The following IL10RA variants were observed in gnomAD, a reference collection of about 807,000 sequenced individuals.
The protein encoded by IL10RA is interleukin-10 receptor subunit alpha.
IL10RA carries 18 observed loss-of-function variants against 29.6 expected under a neutral mutation model. The observed-to-expected ratio is 0.61, with a 90% CI of 0.42 to 0.90. The LOEUF (loss-of-function observed/expected upper bound fraction) is 0.90, where lower values mean the gene tolerates loss of function less well. Ranked by LOEUF, IL10RA falls within the 40% of genes least tolerant of loss-of-function variation. The pLI is 0.00. For synonymous variants in IL10RA, 292 were observed against 294.1 expected (o/e 0.99, Z 0.07); for missense variants, 634 against 716.6 (o/e 0.88, Z 1.32).
intron 1 of IL10RA, chr11:117,987,040 C>A (rs147760191): frequency 5.7e-4 from 221 of 390,626 alleles, no homozygotes; most frequent in African/African-American, 4.4e-3. Flanking sequence ...CCCTGCCTCT[C>A]TCCTCCTAAC....
rs1434159127 is a variant in IL10RA, at chr11:117,999,909, G to A, written c.*268G>A. The A allele has an allele frequency of 4.6e-6, 3 of 650,714 alleles. No homozygotes were observed. The highest frequency in any genetic ancestry group is 6.1e-5 in the East Asian group (2 of 32,670). 40.3% of individuals were successfully genotyped at this position (650,714 alleles called of 1,614,324 possible). On this transcript the variant is annotated 3_prime_UTR_variant, in exon 7 of 7. Coordinates refer to ENST00000227752, the MANE Select transcript of IL10RA (RefSeq NM_001558.4). ...TGCAGACTCTGGCAGAGCTGAGAAGGGCAGGGACCTTCTCCCTCCTAGGAA... is the reference window on the plus strand; with the variant it reads ...TGCAGACTCTGGCAGAGCTGAGAAGAGCAGGGACCTTCTCCCTCCTAGGAA...
At chr11:117,994,767 C>T (rs2058045914) in intron 5 of IL10RA, among the ~76,000 whole-genome samples, 1 of 152,148 alleles carries the variant, frequency 6.6e-6, no homozygotes, top group Admixed American at 6.5e-5. Context: ...ATGTCCAGTG[C>T]CCAATGAAAC....
intron 1 of IL10RA, 152 bp from the exon 2 acceptor site, chr11:117,988,230 T>C: frequency 1.2e-6 from 1 of 858,090 alleles, no homozygotes; most frequent in Non-Finnish European, 1.9e-6. Context: ...ATCAGACACA[T>C]GTGGATTCAT....
At chr11:117,990,420 A>C (rs567510913) in intron 3 of IL10RA, among the ~76,000 whole-genome samples, 1 of 151,984 alleles carries the variant, frequency 6.6e-6, no homozygotes, top group Non-Finnish European at 1.5e-5. Context: ...ATAAAAAGAC[A>C]TTTTTGAGGA....
rs1405554105 is a variant in IL10RA, at chr11:117,986,436, G to C, written c.-32G>C. The C allele has an allele frequency of 3.2e-6, 5 of 1,546,298 alleles. No homozygotes were observed. The highest frequency in any genetic ancestry group is 4.4e-6 in the Non-Finnish European group (5 of 1,145,350). On this transcript the variant is annotated 5_prime_UTR_variant, in exon 1 of 7. Coordinates refer to ENST00000227752, the MANE Select transcript of IL10RA (RefSeq NM_001558.4). ...AGCTGGAGGCGCGCAGGCCGGCTCC[G>C]CTCCGGCCCCGGACGATGCGGCGCG...
At position 117,994,386 on chromosome 11, in the gene IL10RA, G is replaced by A. The variant is rs147521413; in HGVS notation, c.688+237G>A. Among the ~76,000 whole-genome samples the A allele has an allele frequency of 3.7e-4, 56 of 152,288 alleles. 3 individuals are homozygous for A. The East Asian group carries it at 0.011, about 29-fold the overall frequency. On this transcript the variant is annotated intron_variant, in intron 5 of 6. Transcript: ENST00000227752. ...AGCTAGGACTTGGTGGCAGAACCAG[G>A]TCTCTTGGATCTAGGGTCCTCCCAC...
intron 3 of IL10RA, among the ~76,000 whole-genome samples, chr11:117,990,691 G>A (rs909677579): frequency 2.0e-5 from 3 of 152,060 alleles, no homozygotes; most frequent in African/African-American, 2.4e-5. Flanking sequence ...TACTAAAGCT[G>A]GGACTTTGGA....
chr11:117,987,780 C>A (rs1056647356), intron 1 of IL10RA: 9 of 169,220 alleles, frequency 5.3e-5, no homozygotes, highest in Admixed American at 4.0e-4. Context: ...AGAGCCAGAG[C>A]TGATTTATTC....
At position 118,001,375 on chromosome 11, in the gene IL10RA, G is replaced by A. The variant is rs760686369; in HGVS notation, c.*1734G>A. 3.5e-5 allele frequency: 16 copies of A among 454,028 alleles called. No homozygotes were observed. Among genetic ancestry groups the A allele is most frequent in the South Asian group, 2.5e-4 (16 of 64,480 alleles). 28.1% of individuals were successfully genotyped at this position (454,028 alleles called of 1,614,324 possible). On this transcript the variant is annotated 3_prime_UTR_variant, in exon 7 of 7. Coordinates refer to ENST00000227752, the MANE Select transcript of IL10RA (RefSeq NM_001558.4). ...AATGACTGACTTGTCTAATTCGTAGGGATGTGAGGTTCTGCTGAGGAAATG... is the reference window on the plus strand; with the variant it reads ...AATGACTGACTTGTCTAATTCGTAGAGATGTGAGGTTCTGCTGAGGAAATG...
At position 118,001,305 on chromosome 11, in the gene IL10RA, A is replaced by T. The variant is rs886047713; in HGVS notation, c.*1664A>T. ...TGTTTCCAGTGGTATGACCTTGGAG[A>T]AGTCACTTATCCTCTTGGAGCCTCA... On this transcript the variant is annotated 3_prime_UTR_variant, in exon 7 of 7. Transcript: ENST00000227752. 2 of 454,012 alleles carry T rather than the reference A, an allele frequency of 4.4e-6. No homozygotes were observed. The highest frequency in any genetic ancestry group is 8.8e-6 in the Non-Finnish European group (2 of 226,816). The allele number at this position is 454,012 out of a possible 1,614,324, so 28.1% of individuals were successfully genotyped here.
At chr11:117,993,134 A>C in intron 3 of IL10RA, 107 bp from the exon 4 acceptor site, 1 of 1,013,994 alleles carries the variant, frequency 9.9e-7, no homozygotes, top group Non-Finnish European at 1.6e-6. Flanking sequence ...TTTTAGGCCT[A>C]GGTTCTAATT....
intron 3 of IL10RA, among the ~76,000 whole-genome samples, chr11:117,991,065 C>T (rs985232168): frequency 1.3e-4 from 19 of 151,874 alleles, no homozygotes; most frequent in African/African-American, 3.9e-4. Flanking sequence ...GGCGTGGTGG[C>T]GTGCACCTGT....
At position 117,995,395 on chromosome 11, in the gene IL10RA, G is replaced by A. The variant is rs183021562; in HGVS notation, c.689-194G>A. On this transcript the variant is annotated intron_variant, in intron 5 of 6. Transcript: ENST00000227752. Reference sequence around the variant, plus strand: ...GCATCTCCTGAGGGAATCCTTCAGGGCATGGTTTGGAAGGCCAGGTAGGGA... The same window carrying A: ...GCATCTCCTGAGGGAATCCTTCAGGACATGGTTTGGAAGGCCAGGTAGGGA... The A allele has an allele frequency of 4.2e-4, 278 of 663,134 alleles. 1 individual carries two copies. Among genetic ancestry groups the A allele is most frequent in the Non-Finnish European group, 3.3e-5 (12 of 368,930 alleles). The allele number at this position is 663,134 out of a possible 1,614,324, so 41.1% of individuals were successfully genotyped here.
chr11:117,989,761 G>A lies in IL10RA; in HGVS notation c.367+141G>A. 3 of 828,070 alleles carry A rather than the reference G, an allele frequency of 3.6e-6. No individual in the cohort carries two copies. The highest frequency in any genetic ancestry group is 1.4e-5 in the South Asian group (1 of 69,370). 51.3% of individuals were successfully genotyped at this position (828,070 alleles called of 1,614,324 possible). A position where few individuals can be genotyped will look rare whatever the true frequency, so the allele number is the denominator to read the frequency against. ...CCGGAGAACTAGTTGCCCAAACAGG[G>A]CAGGACTTTGGAGAATGTTAGATAA... On this transcript the variant is annotated intron_variant, in intron 3 of 6. Coordinates refer to ENST00000227752, the MANE Select transcript of IL10RA (RefSeq NM_001558.4). This position sits in a 1 kb window ranked among gnomAD's most constrained non-coding sequence, Gnocchi z 4.5.
Position 117,995,573 on chromosome 11 carries a change from C to T in IL10RA, c.689-16C>T, listed in dbSNP as rs2058050699. ...CCATGGTGACAGGCCACAAACACAT[C>T]TCTCTGGGCCTGCAGATTTCACCGT... On this transcript the variant is annotated splice_polypyrimidine_tract_variant and intron_variant, in intron 5 of 6. Coordinates refer to ENST00000227752, the MANE Select transcript of IL10RA (RefSeq NM_001558.4). The T allele has an allele frequency of 6.2e-7, 1 of 1,614,162 alleles. No individual in the cohort carries two copies. Among genetic ancestry groups the T allele is most frequent in the South Asian group, 1.1e-5 (1 of 91,078 alleles).
chr11:117,999,742 G>A lies in IL10RA; in HGVS notation c.*101G>A, dbSNP rs2058082068. ...AGAAGTTAGGCACGAGGCAGTCTGGGCACTTTTCTGCAAGTCCACTGGGGC... is the reference window on the plus strand; with the variant it reads ...AGAAGTTAGGCACGAGGCAGTCTGGACACTTTTCTGCAAGTCCACTGGGGC... On this transcript the variant is annotated 3_prime_UTR_variant, in exon 7 of 7. Coordinates refer to ENST00000227752, the MANE Select transcript of IL10RA (RefSeq NM_001558.4). 2.8e-6 allele frequency: 3 copies of A among 1,062,880 alleles called. No homozygotes were observed. The highest frequency in any genetic ancestry group is 2.5e-5 in the East Asian group (1 of 40,224). 65.8% of individuals were successfully genotyped at this position (1,062,880 alleles called of 1,614,324 possible). A position where few individuals can be genotyped will look rare whatever the true frequency, so the allele number is the denominator to read the frequency against.
intron 3 of IL10RA, among the ~76,000 whole-genome samples, chr11:117,990,595 TA>T (rs1425462761): frequency 6.6e-6 from 1 of 152,206 alleles, no homozygotes; most frequent in African/African-American, 2.4e-5. Context: ...GATTTTTCTT[TA>T]AAATGCTAAA....
At chr11:117,987,793 TCTGTCC>T in intron 1 of IL10RA, 6 of 182,088 alleles carry the variant, frequency 3.3e-5, no homozygotes, top group Non-Finnish European at 5.9e-5. Context: ...ATTTATTCCA[TCTGTCC>T]TTGCCCAGCC....
chr11:117,994,913 T>C (rs2058046501), intron 5 of IL10RA: 1 of 158,292 alleles, frequency 6.3e-6, no homozygotes, highest in African/African-American at 2.4e-5. Context: ...CATTTAAGTC[T>C]CAATGCAGAG....
Sources: allele counts gnomAD v4.1 joint callset (sites outside exome capture counted in the v4.1 genomes callset), GRCh38; gene constraint gnomAD v4.1.1; non-coding constraint Gnocchi (gnomAD v3.1); transcripts MANE v1.5; gene names NCBI Gene and HGNC (gene_info 2026-07-23, HGNC 2026-07-21).